The following MORN1 variants were observed in gnomAD, a reference collection of about 807,000 sequenced individuals.
The protein encoded by MORN1 is MORN repeat-containing protein 1.
A neutral mutation model predicts 61.9 loss-of-function variants in MORN1; 67 were observed. The ratio of observed to expected loss-of-function variants is 1.08; its 90% confidence interval spans 0.89 to 1.33. The LOEUF is 1.33. Among genes scored for constraint, MORN1 ranks in the 40% most tolerant of loss-of-function variants. The pLI is 0.00. For synonymous variants in MORN1, 301 were observed against 292.0 expected, an observed-to-expected ratio of 1.03 and a Z score of -0.31; for missense variants, 752 against 691.2, an observed-to-expected ratio of 1.09 and a Z score of -0.99.
chr1:2,341,859 C>T (rs577313738), intron 10 of MORN1, among the ~76,000 whole-genome samples: 11 of 152,360 alleles, frequency 7.2e-5, no homozygotes, highest in Non-Finnish European at 1.2e-4. Context: ...CCCGCCAGCC[C>T]GAGTGGGCCT....
chr1:2,371,041 TA>T (rs58586536), intron 8 of MORN1: 4 of 150,264 alleles, frequency 2.7e-5, no homozygotes, highest in Non-Finnish European at 4.4e-5. Context: ...CCGTCTCTAC[TA>T]AAAAAAAATA....
intron 10 of MORN1, among the ~76,000 whole-genome samples, chr1:2,338,461 G>A (rs886328092): frequency 6.6e-5 from 10 of 152,082 alleles, no homozygotes; most frequent in Admixed American, 2.6e-4. Flanking sequence ...AACTTGGACT[G>A]CGTCTTTTAT....
At position 2,321,957 on chromosome 1, in the gene MORN1, T is replaced by C. The variant is rs540717637; in HGVS notation, c.1298-378A>G. 8.9e-3 allele frequency: 8,499 copies of C among 954,644 alleles called. 51 individuals carry two copies. The highest frequency in any genetic ancestry group is 1.0e-2 in the Non-Finnish European group (8,013 of 801,864). 59.1% of individuals were successfully genotyped at this position (954,644 alleles called of 1,614,324 possible). On this transcript the variant is annotated intron_variant, in intron 13 of 13. Coordinates refer to ENST00000378531, the MANE Select transcript of MORN1 (RefSeq NM_024848.3). Reference sequence around the variant, plus strand: ...GGTCCCTGAAGGATTCTTTTGCAAATACTTTCCTACTTTTTTAGGAGAAAA... The same window carrying C: ...GGTCCCTGAAGGATTCTTTTGCAAACACTTTCCTACTTTTTTAGGAGAAAA...
chr1:2,389,670 AC>A (rs1048458066), intron 2 of MORN1, among the ~76,000 whole-genome samples: 1 of 152,252 alleles, frequency 6.6e-6, no homozygotes, highest in African/African-American at 2.4e-5. Flanking sequence ...TCTGGAAAAG[AC>A]AAATGAACTC....
Position 2,334,038 on chromosome 1 carries a change from G to A in MORN1, c.1250+2431C>T, listed in dbSNP as rs943511040. ...GAGACCCCAGAGCTTCTTCCTCACC[G>A]CAGAGCAGACAGAAGGCATGGGGGT... On this transcript the variant is annotated intron_variant, in intron 12 of 13. Transcript: ENST00000378531. The surrounding 1 kb of genome is among the most constrained non-coding windows in gnomAD (Gnocchi z 5.4). Among the ~76,000 whole-genome samples, 7 of 152,152 alleles carry A rather than the reference G, an allele frequency of 4.6e-5. No individual in the cohort carries two copies. The highest frequency in any genetic ancestry group is 2.1e-4 in the South Asian group (1 of 4,826).
intron 10 of MORN1, among the ~76,000 whole-genome samples, chr1:2,348,219 G>T (rs1641556377): frequency 1.3e-5 from 2 of 152,250 alleles, no homozygotes; most frequent in South Asian, 4.1e-4. Flanking sequence ...GTTCCCCCGT[G>T]TGGCCGTGTC....
chr1:2,351,886 C>T, intron 10 of MORN1: 1 of 499,120 alleles, frequency 2.0e-6, no homozygotes, highest in East Asian at 5.0e-5. Context: ...GATCCAATGT[C>T]CACAGTTAAA....
chr1:2,378,631 C>G, intron 6 of MORN1: 3 of 290,182 alleles, frequency 1.0e-5, no homozygotes, highest in South Asian at 6.5e-5. Context: ...GCAGCTGATA[C>G]AGCCAGGGAT....
intron 10 of MORN1, chr1:2,355,334 G>A (rs1270948442): frequency 2.0e-6 from 3 of 1,509,024 alleles, no homozygotes; most frequent in Non-Finnish European, 2.7e-6. Context: ...CCGTGGAGTG[G>A]CGCCGGGCCC....
intron 12 of MORN1, among the ~76,000 whole-genome samples, chr1:2,335,767 C>T (rs1212898851): frequency 6.6e-6 from 1 of 151,542 alleles, no homozygotes; most frequent in Non-Finnish European, 1.5e-5. Flanking sequence ...GTGTGCGGGG[C>T]CAGGCGAGGG....
intron 4 of MORN1, chr1:2,386,776 T>G: frequency 6.5e-6 from 1 of 153,126 alleles, no homozygotes; most frequent in Non-Finnish European, 1.5e-5. Flanking sequence ...GCTCCGTCTG[T>G]GGTGGAGGGT....
At chr1:2,355,286 G>A (rs1319244727) in intron 10 of MORN1, 14 of 1,444,126 alleles carry the variant, frequency 9.7e-6, no homozygotes, top group South Asian at 4.4e-5. Flanking sequence ...CGGGCCCCCC[G>A]TGGGCCTGTT....
chr1:2,357,480 G>A lies in MORN1; in HGVS notation c.988C>T (p.His330Tyr), dbSNP rs17851912. 6.2e-7 allele frequency: 1 copy of A among 1,612,412 alleles called. No homozygotes were observed. Among genetic ancestry groups the A allele is most frequent in the Non-Finnish European group, 8.5e-7 (1 of 1,179,480 alleles). ...TCCTGGCCATGGAGGGCACCCAAAT[G>A]CAGCTCCAGGTCTCCCCTGGGCAGG... is the stretch of plus-strand genomic sequence containing the variant. Reference protein sequence around the residue: ...VPLPRGDLELHLGALHGQEDT... With the variant: ...VPLPRGDLELYLGALHGQEDT... Residue 330 changes from histidine to tyrosine, a missense_variant, in exon 10 of 14, where the codon CAT becomes TAT. His to Tyr is a moderately conservative substitution (Grantham distance 83, BLOSUM62 2). Transcript: ENST00000378531. The surrounding 1 kb of genome is among the most constrained non-coding windows in gnomAD (Gnocchi z 6.3).
chr1:2,363,440 C>CAA (rs1253401252), intron 8 of MORN1: 4 of 151,996 alleles, frequency 2.6e-5, no homozygotes, highest in African/African-American at 9.7e-5. Flanking sequence ...CCTCAAATAA[C>CAA]AAAACAAAGA....
intron 1 of MORN1, among the ~76,000 whole-genome samples, chr1:2,390,927 G>C (rs1487351615): frequency 3.3e-5 from 5 of 152,102 alleles, no homozygotes; most frequent in Admixed American, 6.5e-5. Flanking sequence ...GTATTTTTTA[G>C]TAGAGACCGG....
intron 12 of MORN1, among the ~76,000 whole-genome samples, chr1:2,325,287 C>CCTCTCTCT (rs59175712): frequency 1.5e-5 from 2 of 136,358 alleles, no homozygotes; most frequent in South Asian, 2.4e-4. Flanking sequence ...CTCTCTCTCT[C>CCTCTCTCT]CTCTCTCTCT....
At position 2,388,304 on chromosome 1, in the gene MORN1, T is replaced by C. The variant is rs1458099033; in HGVS notation, c.182A>G (p.Tyr61Cys). ...TCCGTCCACAAACGCCCCTTCGTAA[T>C]AACTGCCATCTTTAAATAACAACTT... Reference protein sequence around the residue: ...HGKLLFKDGSYYEGAFVDGEI... With the variant: ...HGKLLFKDGSCYEGAFVDGEI... Residue 61 changes from tyrosine to cysteine, a missense_variant, in exon 3 of 14, where the codon TAT becomes TGT. Coordinates refer to ENST00000378531, the MANE Select transcript of MORN1 (RefSeq NM_024848.3). The C allele has an allele frequency of 6.2e-7, 1 of 1,614,000 alleles. No homozygotes were observed.
intron 13 of MORN1, 109 bp from the exon 14 acceptor site, chr1:2,321,688 C>A: frequency 2.2e-6 from 3 of 1,338,356 alleles, no homozygotes; most frequent in Non-Finnish European, 2.9e-6. Context: ...GTGCCCCCGA[C>A]CCTGGTCATC....
chr1:2,346,109 C>T (rs1369522914), intron 10 of MORN1, among the ~76,000 whole-genome samples: 1 of 151,628 alleles, frequency 6.6e-6, no homozygotes, highest in Non-Finnish European at 1.5e-5. Context: ...GAACCTTCCT[C>T]AGACAAAGCC....
Sources: gnomAD v4.1 joint callset for allele counts (sites outside exome capture counted in the v4.1 genomes callset) on GRCh38, gnomAD v4.1.1 for gene constraint, Gnocchi (gnomAD v3.1) non-coding constraint, MANE v1.5 for transcripts, NCBI Gene and HGNC (gene_info 2026-07-23, HGNC 2026-07-21) for gene names.